Variants in HSF5 observed in about 807,000 individuals in gnomAD.
HSF5 encodes the protein heat shock transcription factor 5, also known as heat shock factor protein 5.
A neutral mutation model predicts 50.8 loss-of-function variants in HSF5; 5 were observed. The observed-to-expected ratio is 0.10, with a 90% confidence interval of 0.05 to 0.21. The LOEUF is 0.21. Ranked by LOEUF, HSF5 falls within the 10% of genes least tolerant of loss-of-function variation. The probability of loss-of-function intolerance (pLI) is 1.00; values close to 1 mark genes in which losing one functional copy is unlikely to be tolerated. For missense variants in HSF5, 564 were observed against 762.6 expected, an observed-to-expected ratio of 0.74 and a Z score of 3.07; for synonymous variants, 307 against 307.4, an observed-to-expected ratio of 1.00 and a Z score of 0.02.
At chr17:58,460,756 G>A (rs966141438) in intron 4 of HSF5, among the ~76,000 whole-genome samples, 4 of 151,448 alleles carry the variant, frequency 2.6e-5, no homozygotes, top group Admixed American at 6.6e-5. Flanking sequence ...TGATCTGTCC[G>A]CCTCGGCCTC....
Position 58,479,979 on chromosome 17 carries a change from T to C in HSF5, c.839A>G (p.Gln280Arg). 2 of 1,614,084 alleles carry C rather than the reference T, an allele frequency of 1.2e-6. No homozygotes were observed. Among genetic ancestry groups the C allele is most frequent in the Non-Finnish European group, 1.7e-6 (2 of 1,179,982 alleles). Residue 280 changes from glutamine to arginine, a missense_variant, in exon 2 of 6, where the codon CAA (glutamine) becomes CGA (arginine). By Grantham distance (43) the Gln-to-Arg change is conservative. Transcript: ENST00000323777. ...GGAGCTGACCATTGTTTGAGGACCTTGTTGAACATGTACAGATGTGGTGCT... is the reference window on the plus strand; with the variant it reads ...GGAGCTGACCATTGTTTGAGGACCTCGTTGAACATGTACAGATGTGGTGCT... The part of the protein sequence containing the change: ...QPSTTSVHVQ[Q>R]GPQTMVSSSQ...
intron 1 of HSF5, among the ~76,000 whole-genome samples, chr17:58,482,369 G>A (rs540191466): frequency 2.0e-5 from 3 of 152,212 alleles, no homozygotes; most frequent in South Asian, 2.1e-4. Flanking sequence ...AGGCCAAGGC[G>A]GGAGGATTGC....
intron 5 of HSF5, among the ~76,000 whole-genome samples, chr17:58,444,578 A>G (rs1974534757): frequency 6.6e-6 from 1 of 152,224 alleles, no homozygotes; most frequent in South Asian, 2.1e-4. Flanking sequence ...TAACTAACTT[A>G]GGTCTTTAGG....
At chr17:58,435,431 C>G (rs1196361514) in intron 5 of HSF5, among the ~76,000 whole-genome samples, 1 of 152,146 alleles carries the variant, frequency 6.6e-6, no homozygotes, top group Non-Finnish European at 1.5e-5. Flanking sequence ...CCTGTAGTCT[C>G]AGCTATTTGG....
At position 58,422,279 on chromosome 17, in the gene HSF5, A is replaced by T; in HGVS notation, c.*81T>A. The T allele has an allele frequency of 1.9e-6, 2 of 1,028,602 alleles. No individual in the cohort carries two copies. Among genetic ancestry groups the T allele is most frequent in the Non-Finnish European group, 2.9e-6 (2 of 678,250 alleles). The allele number at this position is 1,028,602 out of a possible 1,614,324, so 63.7% of individuals were successfully genotyped here. On this transcript the variant is annotated 3_prime_UTR_variant, in exon 6 of 6. Transcript: ENST00000323777. ...TTTTTTTCCTTAACAGAACTGAAAAAATCCCAACAGTTTGTCATGTGCAAG... is the reference window on the plus strand; with the variant it reads ...TTTTTTTCCTTAACAGAACTGAAAATATCCCAACAGTTTGTCATGTGCAAG...
intron 4 of HSF5, among the ~76,000 whole-genome samples, chr17:58,459,654 A>AT (rs1974763771): frequency 6.6e-6 from 1 of 151,762 alleles, no homozygotes; most frequent in Non-Finnish European, 1.5e-5. Flanking sequence ...CTCAAAAAAA[A>AT]AAAAAAAAGG....
intron 1 of HSF5, among the ~76,000 whole-genome samples, chr17:58,481,825 C>G (rs1358278262): frequency 6.6e-6 from 1 of 152,082 alleles, no homozygotes; most frequent in Non-Finnish European, 1.5e-5. Context: ...CATGGTGAAA[C>G]CCCATCTCTA....
intron 2 of HSF5, among the ~76,000 whole-genome samples, chr17:58,478,298 T>TAC (rs1327884287): frequency 6.9e-6 from 1 of 145,690 alleles, no homozygotes; most frequent in African/African-American, 2.5e-5. Context: ...TATATATATA[T>TAC]ATACACACAC....
chr17:58,466,776 C>T (rs1974873385), intron 3 of HSF5, 109 bp downstream of exon 3: 1 of 686,964 alleles, frequency 1.5e-6, no homozygotes, highest in Non-Finnish European at 2.6e-6. Flanking sequence ...CATTAATCCA[C>T]AGCTTACTTC....
In HSF5 at chr17:58,462,789, G is replaced by A; in HGVS notation, c.1535C>T (p.Thr512Ile). The A allele has an allele frequency of 6.2e-7, 1 of 1,604,188 alleles. No individual in the cohort carries two copies. The highest frequency in any genetic ancestry group is 1.3e-5 in the African/African-American group (1 of 74,886). ...TTTTCTTTGCCCCCTTACCTGGTGT[G>A]TGCTGAATGGTGGCCCTTCCTGCAC... The part of the protein sequence containing the change: ...VFVQEGPPFS[T>I]HQVDANIKCQ... Residue 512 changes from threonine to isoleucine, a missense_variant, in exon 4 of 6, where the codon ACA becomes ATA. Physicochemically the swap from Thr to Ile is moderately conservative, Grantham distance 89 (BLOSUM62 -1). Coordinates refer to ENST00000323777, the MANE Select transcript of HSF5 (RefSeq NM_001080439.3).
intron 3 of HSF5, among the ~76,000 whole-genome samples, chr17:58,463,996 T>C (rs751792289): frequency 6.6e-6 from 1 of 152,234 alleles, no homozygotes; most frequent in Non-Finnish European, 1.5e-5. Context: ...AAATAAAACA[T>C]GTAATGAATT....
intron 5 of HSF5, among the ~76,000 whole-genome samples, chr17:58,442,080 T>A (rs1974505954): frequency 6.6e-6 from 1 of 152,182 alleles, no homozygotes; most frequent in South Asian, 2.1e-4. Flanking sequence ...TTTGGCATTG[T>A]CTCTCTTGGG....
chr17:58,487,345 G>A (rs1015794204), intron 1 of HSF5, among the ~76,000 whole-genome samples: 1 of 152,210 alleles, frequency 6.6e-6, no homozygotes, highest in Admixed American at 6.5e-5. Flanking sequence ...GGACTACTGA[G>A]TCCACATGTT....
intron 5 of HSF5, among the ~76,000 whole-genome samples, chr17:58,425,561 T>A (rs1974284320): frequency 1.2e-5 from 1 of 83,204 alleles, no homozygotes; most frequent in African/African-American, 4.9e-5. Context: ...GGCAACATAG[T>A]AAGACCTCTA....
At chr17:58,487,257 C>G (rs569370072) in intron 1 of HSF5, among the ~76,000 whole-genome samples, 1 of 152,198 alleles carries the variant, frequency 6.6e-6, no homozygotes, top group Non-Finnish European at 1.5e-5. Context: ...CGCCTTAACC[C>G]GTAGGGTGAC....
At chr17:58,439,268 T>G (rs1225112719) in intron 5 of HSF5, among the ~76,000 whole-genome samples, 1 of 138,978 alleles carries the variant, frequency 7.2e-6, no homozygotes, top group Non-Finnish European at 1.6e-5. Flanking sequence ...AGAAAGCCAA[T>G]GGAAAAAAAA....
intron 5 of HSF5, among the ~76,000 whole-genome samples, chr17:58,446,137 C>CAAAA (rs575406434): frequency 0.014 from 649 of 47,754 alleles, 6 homozygotes; most frequent in African/African-American, 0.048. Context: ...AACTCCATCT[C>CAAAA]AAAAAAAAAA....
intron 2 of HSF5, among the ~76,000 whole-genome samples, chr17:58,468,939 T>C (rs1974909225): frequency 6.6e-6 from 1 of 152,140 alleles, no homozygotes; most frequent in Non-Finnish European, 1.5e-5. Flanking sequence ...GTTCTTAGAT[T>C]TGATCCTTTG....
At chr17:58,456,166 TACAC>T (rs750773079) in intron 5 of HSF5, among the ~76,000 whole-genome samples, 1,713 of 141,332 alleles carry the variant, frequency 0.012, 16 homozygotes, top group African/African-American at 0.014. Flanking sequence ...TGTGTGTATA[TACAC>T]ACACACACAC....
Sources: gnomAD v4.1 joint callset for allele counts (sites outside exome capture counted in the v4.1 genomes callset) on GRCh38, gnomAD v4.1.1 for gene constraint, MANE v1.5 for transcripts, NCBI Gene and HGNC (gene_info 2026-07-23, HGNC 2026-07-21) for gene names.